Variants in NAALADL2 observed in about 807,000 individuals in gnomAD.
NAALADL2 encodes the protein inactive N-acetylated-alpha-linked acidic dipeptidase-like protein 2.
NAALADL2 carries 76 observed loss-of-function variants against 87.2 expected under a neutral mutation model. The observed-to-expected ratio is 0.87, with a 90% CI of 0.72 to 1.05. The LOEUF is 1.05. Among genes scored for constraint, NAALADL2 ranks in the 50% least tolerant of loss-of-function variants. NAALADL2 has a pLI of 0.00. For synonymous variants in NAALADL2, 354 were observed against 331.0 expected (o/e 1.07, Z -0.75); for missense variants, 1,089 against 945.8 (o/e 1.15, Z -1.99).
intron 5 of NAALADL2, among the ~76,000 whole-genome samples, chr3:175,326,470 A>C (rs1760716286): frequency 6.6e-6 from 1 of 152,190 alleles, no homozygotes; most frequent in Admixed American, 6.5e-5. Context: ...TCCAGCCTTT[A>C]CCCATTATCC....
chr3:175,236,356 A>G (rs1745863386), intron 3 of NAALADL2, among the ~76,000 whole-genome samples: 1 of 151,672 alleles, frequency 6.6e-6, no homozygotes, highest in South Asian at 2.1e-4. Context: ...GACTAGCCTG[A>G]CCAACACAGT....
intron 9 of NAALADL2, among the ~76,000 whole-genome samples, chr3:175,574,009 T>G (rs1718491933): frequency 6.6e-6 from 1 of 152,216 alleles, no homozygotes; most frequent in Admixed American, 6.5e-5. Context: ...GGCTTTCCAT[T>G]TTAATTGATG....
intron 4 of NAALADL2, among the ~76,000 whole-genome samples, chr3:175,290,727 G>A (rs1385764695): frequency 6.6e-6 from 1 of 152,220 alleles, no homozygotes; most frequent in Non-Finnish European, 1.5e-5. Context: ...ATAATGGAAC[G>A]CTAGGCATAA....
At chr3:175,343,655 G>GTTTTTGTTTTTTTTTTTTTTT (rs1762798548) in intron 5 of NAALADL2, among the ~76,000 whole-genome samples, 1 of 64,726 alleles carries the variant, frequency 1.5e-5, no homozygotes, top group African/African-American at 4.6e-5. Context: ...TCTTGATCAT[G>GTTTTTGTTTTTTTTTTTTTTT]TTTTTTTTTT....
At chr3:175,216,252 A>G (rs992834026) in intron 2 of NAALADL2, among the ~76,000 whole-genome samples, 1 of 152,172 alleles carries the variant, frequency 6.6e-6, no homozygotes. Flanking sequence ...CTTGTCAAAT[A>G]TAACAGTTTT....
chr3:175,245,510 A>G (rs1747802024), intron 3 of NAALADL2, among the ~76,000 whole-genome samples: 1 of 152,150 alleles, frequency 6.6e-6, no homozygotes, highest in African/African-American at 2.4e-5. Context: ...AAAACTGAAG[A>G]CATTTTGCAA....
chr3:174,892,874 A>G (rs2109801926), intron 1 of NAALADL2, among the ~76,000 whole-genome samples: 1 of 150,538 alleles, frequency 6.6e-6, no homozygotes, highest in South Asian at 2.1e-4. Flanking sequence ...GTGAGCCAAG[A>G]TCACACCACT....
intron 6 of NAALADL2, among the ~76,000 whole-genome samples, chr3:175,452,634 T>C (rs1281866078): frequency 6.6e-6 from 1 of 152,134 alleles, no homozygotes; most frequent in Non-Finnish European, 1.5e-5. Context: ...AACTGATATG[T>C]GTGGAGACAA....
At chr3:175,266,422 T>G (rs1751942283) in intron 4 of NAALADL2, among the ~76,000 whole-genome samples, 1 of 151,516 alleles carries the variant, frequency 6.6e-6, no homozygotes, top group South Asian at 2.1e-4. Context: ...AGACTTAAAT[T>G]TTGCCTAATA....
chr3:174,953,424 C>T (rs902079377), intron 1 of NAALADL2, among the ~76,000 whole-genome samples: 5 of 149,248 alleles, frequency 3.4e-5, no homozygotes, highest in African/African-American at 1.2e-4. Flanking sequence ...CACTAGACTA[C>T]ACCAGTAAAC....
At chr3:175,184,926 T>C (rs1399597907) in intron 2 of NAALADL2, among the ~76,000 whole-genome samples, 1 of 152,082 alleles carries the variant, frequency 6.6e-6, no homozygotes, top group African/African-American at 2.4e-5. Flanking sequence ...CCACAAATAA[T>C]AGTTTATTGT....
At position 175,598,933 on chromosome 3, in the gene NAALADL2, G is replaced by A. The variant is rs114398574; in HGVS notation, c.1800+22746G>A. 1.6e-3 allele frequency among the ~76,000 whole-genome samples: 245 copies of A among 152,276 alleles called. 2 individuals carry two copies. The highest frequency in any genetic ancestry group is 5.6e-3 in the African/African-American group (231 of 41,562). On this transcript the variant is annotated intron_variant, in intron 10 of 13. Transcript: ENST00000454872. ...GCGCACTGACATTGTTAAGGTTAATGACTCAATGTTTTACAAGTTGAAACA... is the reference window on the plus strand; with the variant it reads ...GCGCACTGACATTGTTAAGGTTAATAACTCAATGTTTTACAAGTTGAAACA...
chr3:174,640,530 C>T (rs778333894), intron 2 of NAALADL2, among the ~76,000 whole-genome samples: 3 of 152,100 alleles, frequency 2.0e-5, no homozygotes, highest in Admixed American at 6.5e-5. Flanking sequence ...GGACTTCTGC[C>T]CTCCTCTCCT....
chr3:174,590,483 A>G (rs1167490485), intron 2 of NAALADL2, among the ~76,000 whole-genome samples: 2 of 152,176 alleles, frequency 1.3e-5, no homozygotes, highest in Admixed American at 1.3e-4. Context: ...GCTATCTTGA[A>G]AAGATAATTA....
chr3:175,380,166 T>C (rs1277247694), intron 5 of NAALADL2, among the ~76,000 whole-genome samples: 3 of 152,204 alleles, frequency 2.0e-5, no homozygotes, highest in African/African-American at 4.8e-5. Flanking sequence ...AACCTGCATG[T>C]TGTGCACATG....
Position 174,595,902 on chromosome 3 carries a change from C to A in NAALADL2, c.-115+45265C>A, listed in dbSNP as rs560221001. Among the ~76,000 whole-genome samples the A allele has an allele frequency of 1.1e-3, 168 of 152,156 alleles. 4 individuals are homozygous for A. In the Middle Eastern group the frequency reaches 0.024, roughly 22 times the overall value. On this transcript the variant is annotated intron_variant, in intron 2 of 3. Transcript: ENST00000434257. ...TGGCGCATGCCTGTAATCCCAGCTA[C>A]TTGGGAGGCTGAGGCAGGAGAATTG...
rs149495848 is a variant in NAALADL2, at chr3:175,061,728, A to AATATATATATATATATATAT, written c.44-35056_44-35037dup. Among the ~76,000 whole-genome samples the AATATATATATATATATATAT allele has an allele frequency of 1.8e-3, 251 of 141,502 alleles. 1 individual carries two copies. Among genetic ancestry groups the AATATATATATATATATATAT allele is most frequent in the South Asian group, 4.6e-3 (20 of 4,316 alleles). 92.8% of individuals were successfully genotyped at this position (141,502 alleles called of 152,430 possible). On this transcript the variant is annotated intron_variant, in intron 1 of 13. Coordinates refer to ENST00000454872, the MANE Select transcript of NAALADL2 (RefSeq NM_207015.3). ...TTAGTTTCACCTGCTCACTTGCACA[A>AATATATATATATATATATAT]ATATATATATATATATATATATATA...
chr3:174,686,982 AGTCATTACATCAG>A (rs1162249672), intron 2 of NAALADL2, among the ~76,000 whole-genome samples: 1 of 152,056 alleles, frequency 6.6e-6, no homozygotes, highest in African/African-American at 2.4e-5. Flanking sequence ...AAATTTTTTT[AGTCATTACATCAG>A]GTCATGTCAC....
intron 2 of NAALADL2, among the ~76,000 whole-genome samples, chr3:175,189,371 A>AAATAAATT: frequency 6.6e-6 from 1 of 152,346 alleles, no homozygotes; most frequent in African/African-American, 2.4e-5. Flanking sequence ...ACCAATAAAT[A>AAATAAATT]AATTCAGTAA....
Sources: allele counts gnomAD v4.1 joint callset (sites outside exome capture counted in the v4.1 genomes callset), GRCh38; gene constraint gnomAD v4.1.1; transcripts MANE v1.5; gene names NCBI Gene and HGNC (gene_info 2026-07-23, HGNC 2026-07-21).